FGF14: variants seen among roughly 807,000 people sequenced by gnomAD.
FGF14 encodes the protein fibroblast growth factor 14, also known as fibroblast growth factor homologous factor 4.
FGF14 carries 5 observed loss-of-function variants against 25.5 expected under a neutral mutation model. The ratio of observed to expected loss-of-function variants is 0.20; its 90% CI spans 0.10 to 0.41. The LOEUF (loss-of-function observed/expected upper bound fraction) is 0.41. Among genes scored for constraint, FGF14 ranks in the 10% least tolerant of loss-of-function variants. The pLI, the probability that FGF14 is intolerant of heterozygous loss-of-function variation, is 1.00. For synonymous variants in FGF14, 138 were observed against 118.3 expected, an observed-to-expected ratio of 1.17 and a Z score of -1.08; for missense variants, 222 against 320.1, an observed-to-expected ratio of 0.69 and a Z score of 2.34.
At chr13:102,162,043 T>C (rs904130704) in intron 1 of FGF14, among the ~76,000 whole-genome samples, 1 of 152,124 alleles carries the variant, frequency 6.6e-6, no homozygotes, top group Non-Finnish European at 1.5e-5. Context: ...AATCTGACAC[T>C]TGGGAGACAT....
At chr13:102,362,192 A>G (rs1201982538) in intron 1 of FGF14, among the ~76,000 whole-genome samples, 1 of 152,060 alleles carries the variant, frequency 6.6e-6, no homozygotes, top group African/African-American at 2.4e-5. Flanking sequence ...TAACCGTTTC[A>G]TCTCCATTTC....
At chr13:102,257,176 G>C (rs1484495727) in intron 1 of FGF14, among the ~76,000 whole-genome samples, 1 of 151,976 alleles carries the variant, frequency 6.6e-6, no homozygotes, top group East Asian at 1.9e-4. Flanking sequence ...GGTATACACA[G>C]TTTACCTATT....
At chr13:102,077,266 C>G (rs2043406994) in intron 1 of FGF14, among the ~76,000 whole-genome samples, 1 of 151,952 alleles carries the variant, frequency 6.6e-6, no homozygotes, top group Admixed American at 6.5e-5. Flanking sequence ...AAGCCAAAAG[C>G]ACAGGCAACA....
intron 1 of FGF14, among the ~76,000 whole-genome samples, chr13:102,182,258 G>A (rs2140758576): frequency 6.6e-6 from 1 of 152,222 alleles, no homozygotes; most frequent in African/African-American, 2.4e-5. Context: ...GAATATGAAG[G>A]AAAGAGCCAT....
chr13:101,753,298 G>GACACACAC (rs3064705), intron 3 of FGF14, among the ~76,000 whole-genome samples: 6 of 145,802 alleles, frequency 4.1e-5, no homozygotes, highest in Non-Finnish European at 6.1e-5. Flanking sequence ...CACACAGACA[G>GACACACAC]ACACACACAC....
At chr13:101,815,342 G>A (rs1403738616) in intron 3 of FGF14, among the ~76,000 whole-genome samples, 2 of 152,134 alleles carry the variant, frequency 1.3e-5, no homozygotes, top group Non-Finnish European at 2.9e-5. Flanking sequence ...CTTACTCAGA[G>A]TGGTCAAGTA....
At chr13:102,161,570 A>AGGAGAAGAAGAAGAAG (rs1555369390) in intron 1 of FGF14, among the ~76,000 whole-genome samples, 1 of 5,652 alleles carries the variant, frequency 1.8e-4, no homozygotes, top group Non-Finnish European at 2.4e-4. Flanking sequence ...TTCTGTGAAG[A>AGGAGAAGAAGAAGAAG]AAGAAAGAAG....
In FGF14 at chr13:102,138,642, TC is replaced by T. The variant is rs1293521860; in HGVS notation, c.208+262828del. Among the ~76,000 whole-genome samples the T allele has an allele frequency of 5.4e-4, 82 of 151,016 alleles. 1 individual carries two copies. Among genetic ancestry groups the T allele is most frequent in the African/African-American group, 1.8e-3 (75 of 41,066 alleles). On this transcript the variant is annotated intron_variant, in intron 1 of 4. Coordinates refer to the FGF14 transcript ENST00000376131. ...GGCAGTGTGGTGAGGTGTCAGTCCATCCAATGCCTCAGCCACCGAGGAGGCC... is the reference window on the plus strand; with the variant it reads ...GGCAGTGTGGTGAGGTGTCAGTCCATCAATGCCTCAGCCACCGAGGAGGCC...
chr13:102,207,383 G>A (rs2140907170), intron 1 of FGF14, among the ~76,000 whole-genome samples: 3 of 151,814 alleles, frequency 2.0e-5, no homozygotes, highest in Middle Eastern at 6.8e-3. Context: ...GGACCCATGA[G>A]AAGCCATTTT....
At chr13:102,205,204 T>C (rs964120393) in intron 1 of FGF14, among the ~76,000 whole-genome samples, 4 of 152,214 alleles carry the variant, frequency 2.6e-5, no homozygotes, top group Non-Finnish European at 4.4e-5. Context: ...TGAATGCACA[T>C]GTGTTAACCT....
intron 1 of FGF14, among the ~76,000 whole-genome samples, chr13:101,973,793 AACACCCTCACAGAC>A (rs1377762570): frequency 6.6e-6 from 1 of 152,188 alleles, no homozygotes; most frequent in African/African-American, 2.4e-5. Context: ...CTCCTTTGGC[AACACCCTCACAGAC>A]ACACCCAGGA....
At chr13:101,863,850 G>A (rs2044555418) in intron 3 of FGF14, among the ~76,000 whole-genome samples, 1 of 152,130 alleles carries the variant, frequency 6.6e-6, no homozygotes, top group South Asian at 2.1e-4. Flanking sequence ...ATGGAAGCAT[G>A]AGGTGGGTTG....
chr13:102,394,339 C>A (rs1034619947), intron 1 of FGF14: 1 of 152,446 alleles, frequency 6.6e-6, no homozygotes, highest in Non-Finnish European at 1.5e-5. Context: ...CCCGCGTCAA[C>A]GCCGGAGGAG....
intron 1 of FGF14, among the ~76,000 whole-genome samples, chr13:101,899,712 T>C (rs1474012389): frequency 1.3e-5 from 2 of 151,956 alleles, no homozygotes; most frequent in Non-Finnish European, 2.9e-5. Context: ...TAAGGATATA[T>C]CTACCAGTAA....
intron 1 of FGF14, among the ~76,000 whole-genome samples, chr13:102,201,505 C>T (rs2049648823): frequency 6.6e-6 from 1 of 152,138 alleles, no homozygotes; most frequent in South Asian, 2.1e-4. Context: ...AGGTGTGATT[C>T]ACAAATTTAA....
At position 101,712,347 on chromosome 13, in the gene FGF14, A is replaced by C. The variant is rs961147873; in HGVS notation, c.*10484T>G. The stretch of plus-strand genomic sequence containing the variant: ...AGACTTTCAGAACTGGAATTTACTC[A>C]TCAAATGTTCTATCCATATATGCCA... On this transcript the variant is annotated 3_prime_UTR_variant, in exon 5 of 5. Transcript: ENST00000376143. 1.2e-4 allele frequency: 18 copies of C among 152,210 alleles called. No individual in the cohort carries two copies. Among genetic ancestry groups the C allele is most frequent in the African/African-American group, 4.3e-4 (18 of 41,458 alleles). The allele number at this position is 152,210 out of a possible 1,614,324, so 9.4% of individuals were successfully genotyped here.
chr13:102,215,266 A>G (rs115074642), intron 1 of FGF14, among the ~76,000 whole-genome samples: 1,556 of 152,348 alleles, frequency 0.01, 34 homozygotes, highest in African/African-American at 0.034. Flanking sequence ...AGCATGCTCC[A>G]GCACTGGATA....
chr13:102,181,260 C>A (rs777267226), intron 1 of FGF14, among the ~76,000 whole-genome samples: 6 of 152,236 alleles, frequency 3.9e-5, no homozygotes, highest in Non-Finnish European at 7.4e-5. Context: ...GACGTCCATG[C>A]CCGAATCCCC....
At position 101,884,019 on chromosome 13, in the gene FGF14, C is replaced by T. The variant is rs188736638; in HGVS notation, c.194-8723G>A. Among the ~76,000 whole-genome samples, 504 of 132,302 alleles carry T rather than the reference C, an allele frequency of 3.8e-3. 2 individuals carry two copies. The highest frequency in any genetic ancestry group is 0.013 in the African/African-American group (467 of 34,794). 86.8% of individuals were successfully genotyped at this position (132,302 alleles called of 152,430 possible). ...CGGAGGTTGCAGTGAGCCCAGATCG[C>T]ACCACTGCACTCCAGCCTGGGCAAC... On this transcript the variant is annotated intron_variant, in intron 1 of 4. Transcript: ENST00000376143.
Sources: allele counts gnomAD v4.1 joint callset (sites outside exome capture counted in the v4.1 genomes callset), GRCh38; gene constraint gnomAD v4.1.1; transcripts MANE v1.5; gene names NCBI Gene and HGNC (gene_info 2026-07-23, HGNC 2026-07-21).